The following THSD7B variants were observed in gnomAD, a reference collection of about 807,000 sequenced individuals.
THSD7B encodes thrombospondin type-1 domain-containing protein 7B.
In THSD7B, 138 loss-of-function variants were observed where a neutral mutation model predicts 213.6. The observed-to-expected ratio is 0.65, with a 90% CI of 0.56 to 0.74. The LOEUF (loss-of-function observed/expected upper bound fraction) is 0.74. THSD7B is among the 30% of genes least tolerant of loss of function. The pLI is 0.00. For synonymous variants in THSD7B, 742 were observed against 687.0 expected (o/e 1.08, Z -1.25); for missense variants, 1,931 against 1,991.5 (o/e 0.97, Z 0.58).
At chr2:137,195,020 T>A (rs1680729902) in intron 7 of THSD7B, among the ~76,000 whole-genome samples, 1 of 152,124 alleles carries the variant, frequency 6.6e-6, no homozygotes, top group Admixed American at 6.6e-5. Flanking sequence ...GTGTTTCTCA[T>A]CAAGAAAGAT....
chr2:136,978,489 T>G (rs2104805659), intron 2 of THSD7B, among the ~76,000 whole-genome samples: 1 of 152,322 alleles, frequency 6.6e-6, no homozygotes, highest in Admixed American at 6.5e-5. Context: ...TGAGTGCATA[T>G]ATATTTAGGA....
At chr2:137,196,375 T>G (rs972345668) in intron 7 of THSD7B, among the ~76,000 whole-genome samples, 1 of 87,962 alleles carries the variant, frequency 1.1e-5, no homozygotes, top group Admixed American at 1.8e-4. Context: ...GAAAACCTGC[T>G]GTTTTTTTTT....
chr2:137,384,343 C>A (rs1305897089), intron 12 of THSD7B, among the ~76,000 whole-genome samples: 5 of 152,206 alleles, frequency 3.3e-5, no homozygotes, highest in African/African-American at 7.2e-5. Context: ...AATCAGATTT[C>A]TTTCTCTGCA....
intron 14 of THSD7B, among the ~76,000 whole-genome samples, chr2:137,414,484 A>G (rs1686748524): frequency 6.7e-6 from 1 of 150,014 alleles, no homozygotes; most frequent in Non-Finnish European, 1.5e-5. Context: ...TTTGGGAGGC[A>G]TAGGTGGGAG....
At chr2:137,545,368 C>T (rs74703966) in intron 15 of THSD7B, among the ~76,000 whole-genome samples, 25,329 of 151,662 alleles carry the variant, frequency 0.17, 2,251 homozygotes, top group South Asian at 0.28. Flanking sequence ...AAATCAATGG[C>T]GGAACCTGAA....
intron 2 of THSD7B, among the ~76,000 whole-genome samples, chr2:137,051,704 G>T (rs965956991): frequency 1.3e-5 from 2 of 152,084 alleles, no homozygotes; most frequent in African/African-American, 4.8e-5. Context: ...AGCTGTGACA[G>T]GGAAAAATGA....
At chr2:137,290,807 A>G (rs1683317122) in intron 12 of THSD7B, among the ~76,000 whole-genome samples, 1 of 152,130 alleles carries the variant, frequency 6.6e-6, no homozygotes, top group Non-Finnish European at 1.5e-5. Context: ...CCATTAACAG[A>G]GAGAATCAGG....
intron 12 of THSD7B, among the ~76,000 whole-genome samples, chr2:137,400,282 T>C (rs894081118): frequency 6.6e-6 from 1 of 152,190 alleles, no homozygotes; most frequent in African/African-American, 2.4e-5. Context: ...TTTGAGGGTG[T>C]TGTAATACCT....
chr2:137,040,847 A>C (rs895809761), intron 2 of THSD7B, among the ~76,000 whole-genome samples: 6 of 152,184 alleles, frequency 3.9e-5, no homozygotes, highest in African/African-American at 1.4e-4. Context: ...ATCTTCATGT[A>C]GATTATGAAG....
At chr2:137,252,742 A>G (rs1456216279) in intron 10 of THSD7B, among the ~76,000 whole-genome samples, 1 of 152,062 alleles carries the variant, frequency 6.6e-6, no homozygotes, top group Non-Finnish European at 1.5e-5. Flanking sequence ...ATCCCTCCGG[A>G]GAGGGCTTGT....
intron 2 of THSD7B, among the ~76,000 whole-genome samples, chr2:136,966,519 C>A (rs1274046285): frequency 5.9e-5 from 9 of 152,146 alleles, no homozygotes; most frequent in African/African-American, 2.2e-4. Context: ...GTCCAGCCAA[C>A]AACATGTCTT....
chr2:137,451,906 A>G (rs1461332672), intron 15 of THSD7B: 1 of 211,694 alleles, frequency 4.7e-6, no homozygotes, highest in African/African-American at 2.3e-5. Flanking sequence ...CAGAATAGCT[A>G]CACATGCTTC....
At chr2:136,824,872 G>A (rs1048162521) in intron 1 of THSD7B, among the ~76,000 whole-genome samples, 2 of 152,090 alleles carry the variant, frequency 1.3e-5, no homozygotes, top group East Asian at 3.9e-4. Flanking sequence ...TTTTTCTAAG[G>A]GAGGCTTTAC....
intron 1 of THSD7B, among the ~76,000 whole-genome samples, chr2:136,870,577 G>C (rs1340110652): frequency 1.3e-5 from 2 of 152,204 alleles, no homozygotes; most frequent in African/African-American, 4.8e-5. Context: ...TCTAGGGACA[G>C]AGTCATCTCA....
intron 12 of THSD7B, among the ~76,000 whole-genome samples, chr2:137,340,986 T>G (rs1484350404): frequency 6.7e-6 from 1 of 149,484 alleles, no homozygotes; most frequent in African/African-American, 2.4e-5. Flanking sequence ...TTTTTGTTTT[T>G]TTTTTTTTTT....
chr2:137,030,606 A>C (rs1323894387), intron 2 of THSD7B, among the ~76,000 whole-genome samples: 1 of 152,184 alleles, frequency 6.6e-6, no homozygotes, highest in East Asian at 1.9e-4. Flanking sequence ...AGTTCTTACA[A>C]AATGGTCTCT....
intron 2 of THSD7B, among the ~76,000 whole-genome samples, chr2:136,947,209 T>C (rs1684958474): frequency 6.6e-6 from 1 of 152,104 alleles, no homozygotes; most frequent in Non-Finnish European, 1.5e-5. Flanking sequence ...CTTTTTTGCT[T>C]CCTGTTTATT....
intron 12 of THSD7B, among the ~76,000 whole-genome samples, chr2:137,332,198 C>G (rs1573966216): frequency 6.6e-6 from 1 of 152,124 alleles, no homozygotes; most frequent in Admixed American, 6.5e-5. Flanking sequence ...GGGCTGTACC[C>G]TGCAAAGCCA....
chr2:136,883,440 A>T (rs1275533562), intron 2 of THSD7B, among the ~76,000 whole-genome samples: 1 of 151,738 alleles, frequency 6.6e-6, no homozygotes, highest in Non-Finnish European at 1.5e-5. Context: ...CCAATACTTC[A>T]TTACTGATTT....
Sources: gnomAD v4.1 joint callset for allele counts (sites outside exome capture counted in the v4.1 genomes callset) on GRCh38, gnomAD v4.1.1 for gene constraint, MANE v1.5 for transcripts, NCBI Gene and HGNC (gene_info 2026-07-23, HGNC 2026-07-21) for gene names.